Variants in RNF111 observed in about 807,000 individuals in gnomAD.
The protein encoded by RNF111 is E3 ubiquitin-protein ligase Arkadia.
RNF111 carries 17 observed loss-of-function variants against 95.1 expected under a neutral mutation model. That is an observed-to-expected ratio of 0.18 (90% CI 0.12 to 0.27). RNF111 has a LOEUF of 0.27. RNF111 is among the 10% of genes least tolerant of loss of function. The pLI, the probability that RNF111 is intolerant of heterozygous loss-of-function variation, is 1.00. For missense variants in RNF111, 1,189 were observed against 1,210.4 expected, an observed-to-expected ratio of 0.98 and a Z score of 0.26; for synonymous variants, 440 against 414.8, an observed-to-expected ratio of 1.06 and a Z score of -0.74.
chr15:59,090,183 T>A (rs1163079311), intron 11 of RNF111, among the ~76,000 whole-genome samples: 4 of 151,598 alleles, frequency 2.6e-5, no homozygotes, highest in African/African-American at 9.7e-5. Flanking sequence ...TCGAATGGGA[T>A]TTAAAGTTTT....
intron 2 of RNF111, among the ~76,000 whole-genome samples, chr15:59,040,521 A>C (rs1315488212): frequency 1.3e-5 from 2 of 152,188 alleles, no homozygotes; most frequent in Non-Finnish European, 2.9e-5. Flanking sequence ...TTTCCACTGC[A>C]AGTTTAGGAT....
At chr15:59,070,947 A>G (rs753850492) in intron 6 of RNF111, among the ~76,000 whole-genome samples, 22 of 152,262 alleles carry the variant, frequency 1.4e-4, no homozygotes, top group South Asian at 1.0e-3. Context: ...ATGATCTTTC[A>G]TCACATTTTG....
At chr15:59,085,850 G>A (rs2078882551) in intron 10 of RNF111, 65 bp downstream of exon 10, 1 of 1,312,310 alleles carries the variant, frequency 7.6e-7, no homozygotes, top group Non-Finnish European at 1.1e-6. Flanking sequence ...TATTTTATTG[G>A]AAATACTTCA....
At chr15:59,061,810 G>A (rs1231294105) in intron 5 of RNF111, among the ~76,000 whole-genome samples, 1 of 152,094 alleles carries the variant, frequency 6.6e-6, no homozygotes, top group African/African-American at 2.4e-5. Context: ...ACATTTAAGT[G>A]TATTTTTGTC....
intron 3 of RNF111, among the ~76,000 whole-genome samples, chr15:59,053,726 C>T (rs548900999): frequency 2.7e-4 from 41 of 152,108 alleles, no homozygotes; most frequent in Non-Finnish European, 5.3e-4. Flanking sequence ...GTAAGGACTA[C>T]TGAAATTACA....
intron 1 of RNF111, among the ~76,000 whole-genome samples, chr15:59,025,320 T>C (rs2040548550): frequency 6.6e-6 from 1 of 152,238 alleles, no homozygotes; most frequent in Admixed American, 6.5e-5. Flanking sequence ...GGTTGTGTAC[T>C]CCTAGCAGAA....
At chr15:59,057,586 TAACTC>T (rs776417149) in intron 4 of RNF111, among the ~76,000 whole-genome samples, 4 of 152,238 alleles carry the variant, frequency 2.6e-5, no homozygotes, top group Non-Finnish European at 5.9e-5. Flanking sequence ...CTTTGAAACT[TAACTC>T]ACTCATAAGT....
chr15:59,016,596 G>T (rs1252455887), intron 1 of RNF111, among the ~76,000 whole-genome samples: 2 of 151,756 alleles, frequency 1.3e-5, no homozygotes, highest in African/African-American at 4.8e-5. Flanking sequence ...CATCTTGCTC[G>T]GCCCACCATA....
At chr15:59,025,283 T>C (rs1397650763) in intron 1 of RNF111, among the ~76,000 whole-genome samples, 2 of 152,196 alleles carry the variant, frequency 1.3e-5, no homozygotes, top group Non-Finnish European at 2.9e-5. Flanking sequence ...GGTCCCACTC[T>C]TCTTTTCATA....
At chr15:59,073,223 C>T (rs1169913911) in intron 6 of RNF111, among the ~76,000 whole-genome samples, 4 of 152,116 alleles carry the variant, frequency 2.6e-5, no homozygotes, top group African/African-American at 4.8e-5. Context: ...GTAATCCCAG[C>T]ACTTTGTTTG....
At chr15:59,062,408 A>C (rs1312758513) in intron 5 of RNF111, among the ~76,000 whole-genome samples, 8 of 152,076 alleles carry the variant, frequency 5.3e-5, no homozygotes, top group Non-Finnish European at 1.0e-4. Flanking sequence ...AGTCAGTTCA[A>C]ACTCAATGTG....
In RNF111 at chr15:59,058,263, A is replaced by C. The variant is rs1030209125; in HGVS notation, c.1172-93A>C. 2.6e-5 allele frequency: 26 copies of C among 1,018,148 alleles called. No homozygotes were observed. In the African/African-American group the frequency reaches 3.0e-4, roughly 12 times the overall value. The allele number at this position is 1,018,148 out of a possible 1,614,324, so 63.1% of individuals were successfully genotyped here. A position where few individuals can be genotyped will look rare whatever the true frequency, so the allele number is the denominator to read the frequency against. On this transcript the variant is annotated intron_variant, in intron 4 of 13. Coordinates refer to ENST00000348370, the MANE Select transcript of RNF111 (RefSeq NM_017610.8). ...GAGCTTGTATTTTTAAAGTTTTTTTATTTATTAATTATAAACACATTAGCT... is the reference window on the plus strand; with the variant it reads ...GAGCTTGTATTTTTAAAGTTTTTTTCTTTATTAATTATAAACACATTAGCT...
intron 1 of RNF111, chr15:58,988,412 CG>C (rs1441172033): frequency 3.9e-5 from 6 of 152,542 alleles, no homozygotes; most frequent in African/African-American, 1.4e-4. Context: ...GAAGGTAACC[CG>C]GACCCGGGGA....
intron 1 of RNF111, among the ~76,000 whole-genome samples, chr15:59,026,755 C>T (rs1440669399): frequency 2.0e-5 from 3 of 151,712 alleles, no homozygotes; most frequent in African/African-American, 7.3e-5. Context: ...TACAATACAG[C>T]GATGGATTTT....
chr15:59,063,545 A>C (rs2042529095), intron 5 of RNF111, among the ~76,000 whole-genome samples: 1 of 152,130 alleles, frequency 6.6e-6, no homozygotes, highest in East Asian at 1.9e-4. Context: ...ATAGAAAAGG[A>C]AGTGTTTTAT....
At chr15:59,006,261 G>A (rs2039536731) in intron 1 of RNF111, among the ~76,000 whole-genome samples, 1 of 152,188 alleles carries the variant, frequency 6.6e-6, no homozygotes, top group Non-Finnish European at 1.5e-5. Context: ...ATAGTTGGAT[G>A]AATTTTGGCA....
intron 4 of RNF111, among the ~76,000 whole-genome samples, chr15:59,056,964 C>G (rs572502807): frequency 6.6e-6 from 1 of 152,060 alleles, no homozygotes; most frequent in African/African-American, 2.4e-5. Flanking sequence ...AAAAGTATTC[C>G]AGTGATTAGT....
At chr15:59,044,402 T>C (rs780707062) in intron 2 of RNF111, among the ~76,000 whole-genome samples, 4 of 152,180 alleles carry the variant, frequency 2.6e-5, no homozygotes, top group Non-Finnish European at 4.4e-5. Flanking sequence ...TCAGTGAGTA[T>C]AGTGGCTAAC....
At chr15:59,077,982 A>G (rs2078615530) in intron 7 of RNF111, among the ~76,000 whole-genome samples, 1 of 152,244 alleles carries the variant, frequency 6.6e-6, no homozygotes, top group African/African-American at 2.4e-5. Context: ...CGTGTGAAAC[A>G]TGTGGTTCTT....
Sources: allele counts gnomAD v4.1 joint callset (sites outside exome capture counted in the v4.1 genomes callset), GRCh38; gene constraint gnomAD v4.1.1; transcripts MANE v1.5; gene names NCBI Gene and HGNC (gene_info 2026-07-23, HGNC 2026-07-21).